ASPA: variants seen among roughly 807,000 people sequenced by gnomAD.
The protein encoded by ASPA is aspartoacylase, also known as ACY-2.
A neutral mutation model predicts 29.6 loss-of-function variants in ASPA; 25 were observed. The observed-to-expected ratio is 0.85, with a 90% confidence interval of 0.62 to 1.18. ASPA has a LOEUF of 1.18. ASPA is among the 50% of genes most tolerant of loss of function. The pLI is 0.00. For missense variants in ASPA, 333 were observed against 385.7 expected (o/e 0.86, Z 1.14); for synonymous variants, 131 against 130.3 (o/e 1.01, Z -0.04).
rs758834001 is a variant in ASPA, at chr17:3,501,411, T to C, written c.*2323T>C. ...TTCGAGACTTGAGTAAAGGAAGTCA[T>C]GCAGATGTACAGCAAGAGAATGAGA... On this transcript the variant is annotated 3_prime_UTR_variant, in exon 6 of 6. Coordinates refer to ENST00000263080, the MANE Select transcript of ASPA (RefSeq NM_000049.4). 1 of 152,302 alleles carries C rather than the reference T, an allele frequency of 6.6e-6. No individual in the cohort carries two copies. 9.4% of individuals were successfully genotyped at this position (152,302 alleles called of 1,614,324 possible).
upstream of ASPA, chr17:3,475,754 A>C (rs1270825410): frequency 3.0e-5 from 6 of 196,890 alleles, no homozygotes. Context: ...AGAAACGTAT[A>C]AACTATTTTT....
chr17:3,490,466 T>C lies in ASPA; in HGVS notation c.634+1124T>C, dbSNP rs559759720. ...CTGAGTTGAAATTGTTGTTGAGGAA[T>C]GGGCAATTATAATAACAGAGGGGGT... On this transcript the variant is annotated intron_variant, in intron 4 of 5. Coordinates refer to ENST00000263080, the MANE Select transcript of ASPA (RefSeq NM_000049.4). This position sits in a 1 kb window ranked among gnomAD's most constrained non-coding sequence, Gnocchi z 4.6. Among the ~76,000 whole-genome samples the C allele has an allele frequency of 7.2e-5, 11 of 152,194 alleles. No individual in the cohort carries two copies. Among genetic ancestry groups the C allele is most frequent in the South Asian group, 2.1e-4 (1 of 4,828 alleles).
intron 4 of ASPA, 36 bp downstream of exon 4, chr17:3,489,378 C>G (rs2073783053): frequency 6.7e-7 from 1 of 1,488,348 alleles, no homozygotes; most frequent in Non-Finnish European, 9.4e-7. Context: ...TCAAACTTAA[C>G]CACCAAACAT....
intron 4 of ASPA, among the ~76,000 whole-genome samples, chr17:3,492,476 C>T (rs1383525837): frequency 6.6e-6 from 1 of 152,136 alleles, no homozygotes; most frequent in African/African-American, 2.4e-5. Context: ...TTCCCTTTCC[C>T]GCGTCCACAT....
At chr17:3,484,886 C>T (rs1232966859) in intron 3 of ASPA, among the ~76,000 whole-genome samples, 1 of 152,194 alleles carries the variant, frequency 6.6e-6, no homozygotes, top group Non-Finnish European at 1.5e-5. Flanking sequence ...ACACTGTGTT[C>T]TCCATTTATC....
At chr17:3,495,621 T>A (rs1421247492) in intron 5 of ASPA, among the ~76,000 whole-genome samples, 2 of 152,184 alleles carry the variant, frequency 1.3e-5, no homozygotes, top group Non-Finnish European at 2.9e-5. Flanking sequence ...CAGGCTGGAG[T>A]GCAGTGGTGC....
At position 3,483,609 on chromosome 17, in the gene ASPA, A is replaced by G; in HGVS notation, c.526+17A>G. ...ATCCTGTGGGTAAGTCATAGTTCCC[A>G]CTGTCATAACTCAATAAAATATGTC... is the stretch of plus-strand genomic sequence containing the variant. On this transcript the variant is annotated intron_variant, in intron 3 of 5. Coordinates refer to ENST00000263080, the MANE Select transcript of ASPA (RefSeq NM_000049.4). 1 of 1,573,990 alleles carries G rather than the reference A, an allele frequency of 6.4e-7. No homozygotes were observed. Among genetic ancestry groups the G allele is most frequent in the Non-Finnish European group, 8.7e-7 (1 of 1,143,438 alleles).
At chr17:3,478,390 A>T (rs1458661399) in intron 1 of ASPA, among the ~76,000 whole-genome samples, 1 of 152,214 alleles carries the variant, frequency 6.6e-6, no homozygotes, top group Admixed American at 6.5e-5. Context: ...TACTGCAGTC[A>T]TCCTGTTTGT....
At chr17:3,496,047 C>T (rs187542588) in intron 5 of ASPA, among the ~76,000 whole-genome samples, 7 of 152,166 alleles carry the variant, frequency 4.6e-5, no homozygotes, top group East Asian at 1.9e-4. Context: ...CCCAGGCAGA[C>T]GGAGAAGTGA....
Position 3,481,689 on chromosome 17 carries a change from C to T in ASPA, c.323C>T (p.Ser108Phe). Residue 108 changes from serine (S) to phenylalanine (F), a missense_variant, in exon 2 of 6, where the codon TCC becomes TTC. By Grantham distance (155) the Ser-to-Phe change is radical. Coordinates refer to ENST00000263080, the MANE Select transcript of ASPA (RefSeq NM_000049.4). ...HLFGPKDSED[S>F]YDIIFDLHNT... ...TTTGGTCCAAAAGACAGTGAAGATT[C>T]CTATGACATTATTTTTGACCTTCAC... 6.2e-7 allele frequency: 1 copy of T among 1,613,732 alleles called. No individual in the cohort carries two copies. The highest frequency in any genetic ancestry group is 1.1e-5 in the South Asian group (1 of 91,048).
chr17:3,494,474 T>C lies in ASPA; in HGVS notation c.744+15T>C, dbSNP rs1357840504. 4.5e-6 allele frequency: 7 copies of C among 1,569,032 alleles called. No homozygotes were observed. Among genetic ancestry groups the C allele is most frequent in the African/African-American group, 2.7e-5 (2 of 73,996 alleles). ...CTAATCTGCAGGTAACATTTGTTCT[T>C]TCTTTAAAATGTTGAAAATAATAAT... On this transcript the variant is annotated intron_variant, in intron 5 of 5. Coordinates refer to ENST00000263080, the MANE Select transcript of ASPA (RefSeq NM_000049.4).
intron 2 of ASPA, 42 bp from the exon 3 acceptor site, chr17:3,483,457 A>G (rs373408610): frequency 3.8e-5 from 58 of 1,540,050 alleles, no homozygotes; most frequent in Admixed American, 2.0e-4. Context: ...AGAACAAAAC[A>G]TACGGTTTTT....
chr17:3,480,646 A>T (rs925430335), intron 1 of ASPA, among the ~76,000 whole-genome samples: 1 of 151,946 alleles, frequency 6.6e-6, no homozygotes. Context: ...CAGCTGCATG[A>T]CTCCTAAACC....
intron 4 of ASPA, among the ~76,000 whole-genome samples, chr17:3,492,350 A>G (rs1180644052): frequency 1.3e-5 from 2 of 152,230 alleles, no homozygotes; most frequent in African/African-American, 4.8e-5. Context: ...TAGCAAAAAC[A>G]TACTCCTTTG....
rs1433181511 is a variant in ASPA, at chr17:3,502,157, C to T, written c.*3069C>T. ...GCAGCCATCATCAAGGCAAGGCCCT[C>T]CACCAGCAAAAAGATCATGAATTGC... is the stretch of plus-strand genomic sequence containing the variant. On this transcript the variant is annotated 3_prime_UTR_variant, in exon 6 of 6. Transcript: ENST00000263080. 2.0e-5 allele frequency: 3 copies of T among 152,210 alleles called. No homozygotes were observed. The highest frequency in any genetic ancestry group is 6.5e-5 in the Admixed American group (1 of 15,282). 9.4% of individuals were successfully genotyped at this position (152,210 alleles called of 1,614,324 possible). A position where few individuals can be genotyped will look rare whatever the true frequency, so the allele number is the denominator to read the frequency against.
intron 3 of ASPA, 145 bp downstream of exon 3, chr17:3,483,737 A>C (rs1052826978): frequency 2.3e-4 from 173 of 751,826 alleles, no homozygotes; most frequent in Non-Finnish European, 2.9e-4. Context: ...ATCTCAGCTC[A>C]CTGCAACCTC....
chr17:3,498,584 C>T (rs147640415), intron 5 of ASPA, among the ~76,000 whole-genome samples: 31 of 152,222 alleles, frequency 2.0e-4, no homozygotes, highest in African/African-American at 7.0e-4. Context: ...TAGGCTCAAG[C>T]GATCCACCCA....
intron 3 of ASPA, among the ~76,000 whole-genome samples, chr17:3,486,149 G>A (rs367698276): frequency 6.6e-6 from 1 of 152,130 alleles, no homozygotes; most frequent in African/African-American, 2.4e-5. Flanking sequence ...GGCCAGGCTG[G>A]TTTCGAACTT....
intron 2 of ASPA, 97 bp downstream of exon 2, chr17:3,481,895 G>A (rs2073637897): frequency 8.3e-7 from 1 of 1,202,340 alleles, no homozygotes; most frequent in Non-Finnish European, 1.2e-6. Context: ...ATGAGGGAAG[G>A]TGCAAGAGAA....
Sources: gnomAD v4.1 joint callset for allele counts (sites outside exome capture counted in the v4.1 genomes callset) on GRCh38, gnomAD v4.1.1 for gene constraint, Gnocchi (gnomAD v3.1) non-coding constraint, MANE v1.5 for transcripts, NCBI Gene and HGNC (gene_info 2026-07-23, HGNC 2026-07-21) for gene names.